Variants in CDC6 observed in about 807,000 individuals in gnomAD.
CDC6 encodes DNA replication factor CDC6.
In CDC6, 46 loss-of-function variants were observed where a neutral mutation model predicts 60.2. The observed-to-expected ratio is 0.76, with a 90% CI of 0.60 to 0.98. CDC6 has a LOEUF of 0.98. Among genes scored for constraint, CDC6 ranks in the 50% least tolerant of loss-of-function variants. The pLI is 0.00. For missense variants in CDC6, 596 were observed against 652.9 expected (o/e 0.91, Z 0.95); for synonymous variants, 210 against 233.2 (o/e 0.90, Z 0.90).
At chr17:40,292,684 C>T (rs1355903303) in intron 4 of CDC6, among the ~76,000 whole-genome samples, 9 of 151,894 alleles carry the variant, frequency 5.9e-5, no homozygotes, top group African/African-American at 1.9e-4. Flanking sequence ...AATCCCAGCA[C>T]TTTGGGAGGC....
In CDC6 at chr17:40,295,405, G is replaced by A. The variant is rs4135016; in HGVS notation, c.1133G>A (p.Arg378His). Residue 378 changes from arginine (R) to histidine (H), a missense_variant, in exon 8 of 12, where the codon CGC (arginine) becomes CAC (histidine). Transcript: ENST00000209728. The part of the protein sequence containing the change: ...LDNAAVQFCA[R>H]KVSAVSGDVR... ...AATGCTGCAGTTCAATTCTGTGCCC[G>A]CAAAGTCTCTGCTGTTTCAGGAGAT... 72 of 1,613,448 alleles carry A rather than the reference G, an allele frequency of 4.5e-5. No individual in the cohort carries two copies. In the African/African-American group the frequency reaches 8.0e-4, roughly 18 times the overall value.
chr17:40,300,569 G>A (rs2032924637), intron 9 of CDC6, among the ~76,000 whole-genome samples: 1 of 152,128 alleles, frequency 6.6e-6, no homozygotes, highest in South Asian at 2.1e-4. Context: ...CATTCCATAG[G>A]ACAAAACAGC....
chr17:40,302,527 T>A lies in CDC6; in HGVS notation c.*526T>A, dbSNP rs900280063. ...CCACCACCGCGCCCAGCTAATTTTTTAATTTTTAGTAGAGACAGGGTTTTA... is the reference window on the plus strand; with the variant it reads ...CCACCACCGCGCCCAGCTAATTTTTAAATTTTTAGTAGAGACAGGGTTTTA... On this transcript the variant is annotated 3_prime_UTR_variant, in exon 12 of 12. Coordinates refer to ENST00000209728, the MANE Select transcript of CDC6 (RefSeq NM_001254.4). 1.9e-5 allele frequency: 3 copies of A among 156,230 alleles called. No individual in the cohort carries two copies. Among genetic ancestry groups the A allele is most frequent in the African/African-American group, 7.2e-5 (3 of 41,434 alleles). The allele number at this position is 156,230 out of a possible 1,614,324, so 9.7% of individuals were successfully genotyped here.
chr17:40,294,450 C>T lies in CDC6; in HGVS notation c.1030C>T (p.Pro344Ser), dbSNP rs1056303546. The T allele has an allele frequency of 1.9e-6, 3 of 1,613,708 alleles. No individual in the cohort carries two copies. Among genetic ancestry groups the T allele is most frequent in the African/African-American group, 2.7e-5 (2 of 74,924 alleles). ...EKCKPQLLNF[P>S]PYTRNQIVTI... ...ATGTAAGCCACAGCTGTTGAACTTC[C>T]CACCTTATACCAGAAATCAGATAGT... Residue 344 changes from proline to serine, a missense_variant, in exon 7 of 12, where the codon CCA becomes TCA. Physicochemically the swap from Pro to Ser is moderately conservative, Grantham distance 74. Coordinates refer to ENST00000209728, the MANE Select transcript of CDC6 (RefSeq NM_001254.4).
At position 40,300,873 on chromosome 17, in the gene CDC6, T is replaced by G. The variant is rs370140805; in HGVS notation, c.1295T>G (p.Ile432Ser). The G allele has an allele frequency of 6.2e-7, 1 of 1,614,186 alleles. No individual in the cohort carries two copies. The highest frequency in any genetic ancestry group is 8.5e-7 in the Non-Finnish European group (1 of 1,180,010). Reference sequence around the variant, plus strand: ...CTGATTCCCAAGAGGGTTGGTCTTATTCACATATCCCAAGTCATCTCAGAA... The same window carrying G: ...CTGATTCCCAAGAGGGTTGGTCTTAGTCACATATCCCAAGTCATCTCAGAA... ...EPLIPKRVGL[I>S]HISQVISEVD... The change falls in exon 10 of 12, where the codon ATT (isoleucine) becomes AGT (serine). Residue 432 changes from isoleucine to serine, a missense_variant. Ile to Ser is a moderately radical substitution (Grantham distance 142). Coordinates refer to ENST00000209728, the MANE Select transcript of CDC6 (RefSeq NM_001254.4).
intron 10 of CDC6, 42 bp from the exon 11 acceptor site, chr17:40,301,426 G>A: frequency 1.2e-6 from 2 of 1,607,786 alleles, no homozygotes; most frequent in Non-Finnish European, 1.7e-6. Context: ...TATAAGCAAT[G>A]TGACTTTTAA....
chr17:40,292,872 G>T (rs2032787592), intron 4 of CDC6, among the ~76,000 whole-genome samples: 1 of 151,762 alleles, frequency 6.6e-6, no homozygotes, highest in Non-Finnish European at 1.5e-5. Flanking sequence ...GGAGCTTGCA[G>T]TGAGCCGAGA....
intron 9 of CDC6, 33 bp downstream of exon 9, chr17:40,296,800 G>A: frequency 1.5e-6 from 2 of 1,334,768 alleles, no homozygotes; most frequent in Non-Finnish European, 2.2e-6. Context: ...GTCTTCCTTT[G>A]TAACTAGAAG....
chr17:40,288,685 T>C (rs946680315), intron 1 of CDC6, among the ~76,000 whole-genome samples: 13 of 147,292 alleles, frequency 8.8e-5, no homozygotes, highest in South Asian at 2.2e-4. Context: ...CCCGGGTTCA[T>C]GCCATTCTCC....
rs1167042915 is a variant in CDC6, at chr17:40,287,909, T to G, written c.-195T>G. 1 of 153,118 alleles carries G rather than the reference T, an allele frequency of 6.5e-6. No homozygotes were observed. Among genetic ancestry groups the G allele is most frequent in the Admixed American group, 6.5e-5 (1 of 15,286 alleles). The allele number at this position is 153,118 out of a possible 1,614,324, so 9.5% of individuals were successfully genotyped here. On this transcript the variant is annotated 5_prime_UTR_variant, in exon 1 of 12. Transcript: ENST00000209728. Reference sequence around the variant, plus strand: ...GATTTGGCGCGAGCGCGGCTGGAGTTTGCTGCTGCCGCTGTGCAGTTTGTT... The same window carrying G: ...GATTTGGCGCGAGCGCGGCTGGAGTGTGCTGCTGCCGCTGTGCAGTTTGTT...
chr17:40,298,661 C>G (rs1408820956), intron 9 of CDC6, among the ~76,000 whole-genome samples: 2 of 152,156 alleles, frequency 1.3e-5, no homozygotes, highest in Non-Finnish European at 2.9e-5. Flanking sequence ...CCTCAGCCTC[C>G]CACAGCTTTG....
chr17:40,304,115 T>C lies in CDC6; in HGVS notation c.*2114T>C, dbSNP rs971784388. 8 of 152,254 alleles carry C rather than the reference T, an allele frequency of 5.3e-5. No individual in the cohort carries two copies. Among genetic ancestry groups the C allele is most frequent in the Non-Finnish European group, 1.0e-4 (7 of 68,048 alleles). The allele number at this position is 152,254 out of a possible 1,614,324, so 9.4% of individuals were successfully genotyped here. ...CCCTCTATCTTTCCCTTTCCCCTGGTTTTGGAAATAGAGTTTTCTGTCTAC... is the reference window on the plus strand; with the variant it reads ...CCCTCTATCTTTCCCTTTCCCCTGGCTTTGGAAATAGAGTTTTCTGTCTAC... On this transcript the variant is annotated 3_prime_UTR_variant, in exon 12 of 12. Transcript: ENST00000209728.
chr17:40,287,884 G>C lies in CDC6; in HGVS notation c.-220G>C, dbSNP rs1180650143. 6.5e-6 allele frequency: 1 copy of C among 152,946 alleles called. No individual in the cohort carries two copies. The highest frequency in any genetic ancestry group is 1.5e-5 in the Non-Finnish European group (1 of 68,258). The allele number at this position is 152,946 out of a possible 1,614,324, so 9.5% of individuals were successfully genotyped here. On this transcript the variant is annotated 5_prime_UTR_variant, in exon 1 of 12. Coordinates refer to ENST00000209728, the MANE Select transcript of CDC6 (RefSeq NM_001254.4). The stretch of plus-strand genomic sequence containing the variant: ...GAGGTGGGAACGCTGTGGCCATTCG[G>C]ATTTGGCGCGAGCGCGGCTGGAGTT...
rs1301093868 is a variant in CDC6, at chr17:40,291,056, A to G, written c.179-2A>G. The G allele has an allele frequency of 5.0e-6, 8 of 1,614,008 alleles. No individual in the cohort carries two copies. Among genetic ancestry groups the G allele is most frequent in the Non-Finnish European group, 4.2e-6 (5 of 1,179,902 alleles). ...CTACATTTTTATTTTATTGTGTTTC[A>G]GGCGATGACAACCTATGCAACACTC... On this transcript the variant is annotated splice_acceptor_variant, in intron 2 of 11. Transcript: ENST00000209728. LOFTEE classifies it high-confidence loss of function.
Position 40,301,508 on chromosome 17 carries a change from T to A in CDC6, c.1493T>A (p.Val498Glu). The A allele has an allele frequency of 6.2e-7, 1 of 1,613,724 alleles. No homozygotes were observed. ...AGTAAAGTCTGTCGCAAACAGCAGG[T>A]GGCGGCTGTGGACCAGTCAGAGTGT... ...AYSKVCRKQQ[V>E]AAVDQSECLS... The change falls in exon 11 of 12, where the codon GTG becomes GAG. Residue 498 changes from valine to glutamate, a missense_variant. Coordinates refer to ENST00000209728, the MANE Select transcript of CDC6 (RefSeq NM_001254.4).
chr17:40,289,747 C>T (rs1420511338), intron 2 of CDC6, 149 bp downstream of exon 2: 2 of 618,052 alleles, frequency 3.2e-6, no homozygotes, highest in East Asian at 6.3e-5. Context: ...CTCGCTCCAT[C>T]TCCCAGGCTG....
intron 7 of CDC6, among the ~76,000 whole-genome samples, chr17:40,295,056 T>C (rs927880290): frequency 1.3e-5 from 2 of 152,126 alleles, no homozygotes; most frequent in African/African-American, 4.8e-5. Context: ...CTTTAAAAAA[T>C]AGGGCCTATG....
chr17:40,301,417 A>C (rs765333988), intron 10 of CDC6, 51 bp from the exon 11 acceptor site: 2 of 1,587,134 alleles, frequency 1.3e-6, no homozygotes, highest in South Asian at 2.2e-5. Flanking sequence ...ATTAAAGGCT[A>C]TAAGCAATGT....
At chr17:40,299,981 T>A (rs1180948357) in intron 9 of CDC6, among the ~76,000 whole-genome samples, 1 of 151,974 alleles carries the variant, frequency 6.6e-6, no homozygotes, top group African/African-American at 2.4e-5. Flanking sequence ...CTTTTTTTTT[T>A]ATATGGAGTT....
Sources: allele counts gnomAD v4.1 joint callset (sites outside exome capture counted in the v4.1 genomes callset), GRCh38; gene constraint gnomAD v4.1.1; transcripts MANE v1.5; gene names NCBI Gene and HGNC (gene_info 2026-07-23, HGNC 2026-07-21).